MCTP1: variants seen among roughly 807,000 people sequenced by gnomAD.
The protein encoded by MCTP1 is multiple C2 and transmembrane domain containing 1, also known as multiple C2 and transmembrane domain-containing protein 1.
In MCTP1, 69 loss-of-function variants were observed where a neutral mutation model predicts 120.6. The ratio of observed to expected loss-of-function variants is 0.57; its 90% CI spans 0.47 to 0.70. The LOEUF (loss-of-function observed/expected upper bound fraction) is 0.70, where lower values mean the gene tolerates loss of function less well. Among genes scored for constraint, MCTP1 ranks in the 30% least tolerant of loss-of-function variants. The pLI, the probability that MCTP1 is intolerant of heterozygous loss-of-function variation, is 0.00. For synonymous variants in MCTP1, 529 were observed against 493.1 expected (o/e 1.07, Z -0.96); for missense variants, 1,203 against 1,248.8 (o/e 0.96, Z 0.55).
chr5:94,714,470 A>G (rs1010064637), intron 20 of MCTP1, among the ~76,000 whole-genome samples: 1 of 152,148 alleles, frequency 6.6e-6, no homozygotes, highest in Admixed American at 6.5e-5. Flanking sequence ...TCACAATTTC[A>G]TATTCCATTT....
intron 1 of MCTP1, among the ~76,000 whole-genome samples, chr5:95,085,250 A>G (rs1755338482): frequency 6.6e-6 from 1 of 152,128 alleles, no homozygotes; most frequent in African/African-American, 2.4e-5. Flanking sequence ...GAGTTGGCTT[A>G]TATCATTACT....
chr5:95,065,574 GA>G (rs1182072867), intron 1 of MCTP1, among the ~76,000 whole-genome samples: 3 of 152,140 alleles, frequency 2.0e-5, no homozygotes, highest in Non-Finnish European at 4.4e-5. Context: ...TTAATTTTAA[GA>G]AAATCTAGCA....
chr5:95,130,141 T>C (rs1320589103), intron 1 of MCTP1, among the ~76,000 whole-genome samples: 1 of 152,228 alleles, frequency 6.6e-6, no homozygotes, highest in Admixed American at 6.5e-5. Flanking sequence ...CTGACTTTCC[T>C]GGCTCTCTGG....
intron 1 of MCTP1, among the ~76,000 whole-genome samples, chr5:95,134,471 CG>C (rs539728813): frequency 1.1e-3 from 161 of 152,300 alleles, no homozygotes; most frequent in African/African-American, 3.7e-3. Context: ...CAATTTGGGG[CG>C]GATTCAGCCA....
chr5:95,171,178 G>T (rs568642289), intron 1 of MCTP1, among the ~76,000 whole-genome samples: 64 of 152,172 alleles, frequency 4.2e-4, no homozygotes, highest in East Asian at 7.7e-4. Context: ...GAAGCTTAGT[G>T]TGGCTGGATA....
intron 1 of MCTP1, among the ~76,000 whole-genome samples, chr5:95,248,795 C>T (rs936548523): frequency 4.6e-5 from 7 of 152,188 alleles, no homozygotes; most frequent in Admixed American, 2.0e-4. Flanking sequence ...GTAACCAAAA[C>T]AGGATGGTAT....
At chr5:95,260,970 A>T (rs1758419825) in intron 1 of MCTP1, among the ~76,000 whole-genome samples, 2 of 152,342 alleles carry the variant, frequency 1.3e-5, no homozygotes, top group African/African-American at 4.8e-5. Flanking sequence ...GATTGCTGGA[A>T]GTTCATTCTA....
intron 10 of MCTP1, among the ~76,000 whole-genome samples, chr5:94,901,512 A>G (rs1280074386): frequency 2.6e-5 from 4 of 152,166 alleles, no homozygotes; most frequent in Admixed American, 2.0e-4. Context: ...CTGGGATGGT[A>G]CCTCAGAGAG....
At chr5:95,202,302 G>T (rs1257969619) in intron 1 of MCTP1, among the ~76,000 whole-genome samples, 1 of 152,140 alleles carries the variant, frequency 6.6e-6, no homozygotes, top group Non-Finnish European at 1.5e-5. Flanking sequence ...TGCCCCTTAG[G>T]TTCTCAGGCT....
At chr5:94,940,016 T>C (rs1448680118) in intron 5 of MCTP1, 68 bp downstream of exon 5, 2 of 868,490 alleles carry the variant, frequency 2.3e-6, no homozygotes, top group Admixed American at 4.3e-5. Flanking sequence ...TTATCATCTC[T>C]GGGTCCAGAG....
chr5:95,278,912 A>G (rs942911470), intron 1 of MCTP1, among the ~76,000 whole-genome samples: 4 of 151,908 alleles, frequency 2.6e-5, no homozygotes, highest in African/African-American at 9.7e-5. Flanking sequence ...CGGTGAGCCA[A>G]GATTGCACCA....
intron 2 of MCTP1, among the ~76,000 whole-genome samples, chr5:94,989,086 T>TA (rs1300652012): frequency 1.3e-5 from 2 of 152,058 alleles, no homozygotes; most frequent in Non-Finnish European, 2.9e-5. Flanking sequence ...TTCATTTTTT[T>TA]AAAAAAACAA....
intron 1 of MCTP1, among the ~76,000 whole-genome samples, chr5:95,088,230 T>C (rs1403169478): frequency 6.6e-6 from 1 of 152,232 alleles, no homozygotes; most frequent in Non-Finnish European, 1.5e-5. Context: ...AAGGCCAACC[T>C]GCAAGGCCCG....
At chr5:94,766,885 T>A (rs1322194372) in intron 19 of MCTP1, among the ~76,000 whole-genome samples, 1 of 152,096 alleles carries the variant, frequency 6.6e-6, no homozygotes, top group African/African-American at 2.4e-5. Flanking sequence ...CTTTTCAAAC[T>A]GTTTCAAACA....
At chr5:95,161,180 T>C (rs1246423294) in intron 1 of MCTP1, among the ~76,000 whole-genome samples, 2 of 152,156 alleles carry the variant, frequency 1.3e-5, no homozygotes, top group African/African-American at 2.4e-5. Context: ...AGCTAAGATA[T>C]GGAAGCAACC....
At chr5:94,707,601 G>A (rs368494883) in intron 22 of MCTP1, 34 bp from the exon 23 acceptor site, 9 of 1,533,082 alleles carry the variant, frequency 5.9e-6, no homozygotes, top group South Asian at 1.1e-5. Flanking sequence ...AGACTGGTCA[G>A]GTGGCCACTT....
At chr5:94,852,198 A>G (rs1793882775) in intron 17 of MCTP1, among the ~76,000 whole-genome samples, 1 of 151,966 alleles carries the variant, frequency 6.6e-6, no homozygotes. Flanking sequence ...TTGTTCCCAT[A>G]TAGTTCTGAG....
At chr5:95,173,803 G>C (rs905936000) in intron 1 of MCTP1, among the ~76,000 whole-genome samples, 2 of 150,620 alleles carry the variant, frequency 1.3e-5, no homozygotes, top group African/African-American at 4.9e-5. Flanking sequence ...GGAGTTAATA[G>C]AGGCTATGAA....
chr5:94,858,566 T>C (rs1352992915), intron 17 of MCTP1, among the ~76,000 whole-genome samples: 1 of 151,674 alleles, frequency 6.6e-6, no homozygotes, highest in African/African-American at 2.4e-5. Context: ...GACACCTGGC[T>C]TCCCTTAATT....
Sources: allele counts gnomAD v4.1 joint callset (sites outside exome capture counted in the v4.1 genomes callset), GRCh38; gene constraint gnomAD v4.1.1; transcripts MANE v1.5; gene names NCBI Gene and HGNC (gene_info 2026-07-23, HGNC 2026-07-21).